Variants in FNIP2 observed in about 807,000 individuals in gnomAD.
FNIP2 encodes folliculin interacting protein 2.
FNIP2 carries 32 observed loss-of-function variants against 108.7 expected under a neutral mutation model. That is an observed-to-expected ratio of 0.29 (90% CI 0.22 to 0.40). FNIP2 has a LOEUF of 0.40. FNIP2 is among the 10% of genes least tolerant of loss of function. The probability of loss-of-function intolerance (pLI) is 1.00; values close to 1 mark genes in which losing one functional copy is unlikely to be tolerated. For missense variants in FNIP2, 1,202 were observed against 1,381.6 expected (o/e 0.87, Z 2.06); for synonymous variants, 480 against 496.7 (o/e 0.97, Z 0.45).
chr4:158,895,793 A>G lies in FNIP2; in HGVS notation c.3194A>G (p.Lys1065Arg), dbSNP rs1782615918. The G allele has an allele frequency of 1.9e-6, 3 of 1,613,254 alleles. No homozygotes were observed. Among genetic ancestry groups the G allele is most frequent in the Non-Finnish European group, 2.5e-6 (3 of 1,179,566 alleles). Residue 1065 changes from lysine (K) to arginine (R), a missense_variant, in exon 16 of 17, where the codon AAA becomes AGA. Lys to Arg is a conservative substitution (Grantham distance 26, BLOSUM62 2). This residue lies in a region of FNIP2 where 142 missense variants were observed against 183.8 expected (regional missense o/e 0.77). Transcript: ENST00000264433. ...LEDRLQEMYL[K>R]SKMLSEYLRG... ...GATAGACTACAGGAGATGTACCTTA[A>G]AAGTAAAATGCTATCTGAATATCTC...
At chr4:158,776,146 C>G (rs1775851957) in intron 1 of FNIP2, among the ~76,000 whole-genome samples, 1 of 152,132 alleles carries the variant, frequency 6.6e-6, no homozygotes, top group South Asian at 2.1e-4. Flanking sequence ...CCAATTCATG[C>G]AGGGTGTCTA....
intron 1 of FNIP2, among the ~76,000 whole-genome samples, chr4:158,801,747 A>G (rs1776770537): frequency 6.6e-6 from 1 of 152,220 alleles, no homozygotes; most frequent in Non-Finnish European, 1.5e-5. Flanking sequence ...AATTTGACAT[A>G]TTGACACATT....
intron 2 of FNIP2, among the ~76,000 whole-genome samples, 168 bp downstream of exon 2, chr4:158,826,210 C>G (rs907663879): frequency 2.0e-5 from 3 of 152,188 alleles, no homozygotes; most frequent in Non-Finnish European, 4.4e-5. Context: ...AGCCCTACCC[C>G]CAACAGGCAT....
intron 1 of FNIP2, among the ~76,000 whole-genome samples, chr4:158,799,739 G>A (rs902719977): frequency 4.0e-5 from 6 of 151,816 alleles, no homozygotes; most frequent in African/African-American, 1.5e-4. Flanking sequence ...TCTAACTTTT[G>A]GCAGTCTTCA....
rs1341543040 is a variant in FNIP2, at chr4:158,869,001, G to A, written c.2365G>A (p.Gly789Ser). 3.1e-6 allele frequency: 5 copies of A among 1,613,870 alleles called. No individual in the cohort carries two copies. In the Admixed American group the frequency reaches 8.3e-5, roughly 27 times the overall value. ...GAATCGGCTTTCAGAGGGGGATGAA[G>A]GCGAGTCTGACAAGGGTTTTGCAGA... is the stretch of plus-strand genomic sequence containing the variant. ...PQNRLSEGDEGESDKGFAEDR... is the reference protein window; with the variant it reads ...PQNRLSEGDESESDKGFAEDR... Residue 789 changes from glycine (G) to serine (S), a missense_variant, in exon 13 of 17, where the codon GGC becomes AGC. Transcript: ENST00000264433.
intron 14 of FNIP2, among the ~76,000 whole-genome samples, chr4:158,884,694 G>A (rs937263340): frequency 6.6e-6 from 1 of 152,148 alleles, no homozygotes; most frequent in Non-Finnish European, 1.5e-5. Context: ...AATTTATAAA[G>A]GAAAGAGGTT....
At chr4:158,900,245 A>G (rs1012288562) in intron 16 of FNIP2, among the ~76,000 whole-genome samples, 1 of 152,048 alleles carries the variant, frequency 6.6e-6, no homozygotes, top group East Asian at 1.9e-4. Context: ...TTTGCCGAGG[A>G]GTGTTTTACT....
intron 14 of FNIP2, among the ~76,000 whole-genome samples, chr4:158,875,434 A>T (rs1458462895): frequency 6.6e-6 from 1 of 150,990 alleles, no homozygotes; most frequent in East Asian, 1.9e-4. Flanking sequence ...TTTAATTTTA[A>T]GCGTAGCAAC....
chr4:158,798,442 G>A (rs1776659099), intron 1 of FNIP2, among the ~76,000 whole-genome samples: 1 of 152,068 alleles, frequency 6.6e-6, no homozygotes, highest in Non-Finnish European at 1.5e-5. Flanking sequence ...CCCTCCCACT[G>A]AATATTCCCT....
chr4:158,832,720 G>A (rs1179909033), intron 5 of FNIP2, among the ~76,000 whole-genome samples: 1 of 152,144 alleles, frequency 6.6e-6, no homozygotes, highest in Admixed American at 6.5e-5. Flanking sequence ...CAACAAAACA[G>A]TTTGAACATT....
chr4:158,882,204 A>G (rs866960988), intron 14 of FNIP2, among the ~76,000 whole-genome samples: 11 of 145,746 alleles, frequency 7.5e-5, no homozygotes, highest in Admixed American at 2.7e-4. Context: ...GCCCCGTCTG[A>G]GAAGTGAGGA....
intron 14 of FNIP2, among the ~76,000 whole-genome samples, chr4:158,889,216 G>A (rs1782166320): frequency 6.6e-6 from 1 of 152,084 alleles, no homozygotes; most frequent in African/African-American, 2.4e-5. Context: ...ACAAAGACTT[G>A]TGCTGATTTT....
intron 12 of FNIP2, among the ~76,000 whole-genome samples, chr4:158,863,211 G>T (rs1324749472): frequency 1.3e-5 from 2 of 152,254 alleles, no homozygotes; most frequent in Non-Finnish European, 2.9e-5. Context: ...AAGTGTAAGT[G>T]ATGGCCGAGT....
chr4:158,889,169 G>A (rs918652627), intron 14 of FNIP2, among the ~76,000 whole-genome samples: 1 of 152,156 alleles, frequency 6.6e-6, no homozygotes, highest in African/African-American at 2.4e-5. Flanking sequence ...TCCAGCCTGG[G>A]CAAAAGCAAG....
intron 1 of FNIP2, among the ~76,000 whole-genome samples, chr4:158,819,731 G>A (rs544283391): frequency 1.3e-5 from 2 of 152,348 alleles, no homozygotes; most frequent in Non-Finnish European, 2.9e-5. Context: ...TGTGCTGACA[G>A]GGTGAACTCT....
intron 8 of FNIP2, among the ~76,000 whole-genome samples, chr4:158,857,681 G>A (rs773214441): frequency 2.0e-5 from 3 of 151,816 alleles, no homozygotes; most frequent in East Asian, 1.9e-4. Context: ...AGTGGCTCAC[G>A]GCTGTAATCC....
At chr4:158,893,852 G>A (rs1012533013) in intron 15 of FNIP2, 27 of 592,238 alleles carry the variant, frequency 4.6e-5, no homozygotes, top group African/African-American at 4.3e-4. Context: ...AATTGTTATA[G>A]TTAATTCTTT....
At chr4:158,833,142 G>A (rs1352725503) in intron 5 of FNIP2, among the ~76,000 whole-genome samples, 1 of 152,106 alleles carries the variant, frequency 6.6e-6, no homozygotes, top group Admixed American at 6.6e-5. Context: ...GAGAGTTTAT[G>A]TAAAATACTT....
intron 15 of FNIP2, among the ~76,000 whole-genome samples, chr4:158,894,209 C>T (rs1239834584): frequency 2.2e-5 from 3 of 136,162 alleles, no homozygotes; most frequent in Non-Finnish European, 3.1e-5. Context: ...TTCATTTTGT[C>T]ACCCAGGTTA....
Sources: gnomAD v4.1 joint callset for allele counts (sites outside exome capture counted in the v4.1 genomes callset) on GRCh38, gnomAD v4.1.1 for gene constraint, gnomAD v4.1.1 regional missense constraint, MANE v1.5 for transcripts, NCBI Gene and HGNC (gene_info 2026-07-23, HGNC 2026-07-21) for gene names.